ARMC12: variants seen among roughly 807,000 people sequenced by gnomAD.
ARMC12 encodes the protein armadillo repeat containing 12.
A neutral mutation model predicts 37.4 loss-of-function variants in ARMC12; 25 were observed. The ratio of observed to expected loss-of-function variants is 0.67; its 90% CI spans 0.49 to 0.93. The LOEUF is 0.93. Ranked by LOEUF, ARMC12 falls within the 40% of genes least tolerant of loss-of-function variation. ARMC12 has a pLI of 0.00. For synonymous variants in ARMC12, 167 were observed against 176.1 expected (o/e 0.95, Z 0.41); for missense variants, 384 against 426.6 (o/e 0.90, Z 0.88).
intron 5 of ARMC12, 102 bp downstream of exon 5, chr6:35,747,749 T>G (rs890633312): frequency 8.1e-7 from 1 of 1,240,842 alleles, no homozygotes; most frequent in Non-Finnish European, 1.2e-6. Context: ...ATGAATTGTT[T>G]TAGTATCTTC....
rs576135556 is a variant in ARMC12 at position 35,748,928 on chromosome 6, G to A, written c.*58G>A. The A allele has an allele frequency of 7.9e-5, 120 of 1,511,134 alleles. No individual in the cohort carries two copies. The highest frequency in any genetic ancestry group is 7.2e-4 in the African/African-American group (52 of 71,774). 93.6% of individuals were successfully genotyped at this position (1,511,134 alleles called of 1,614,324 possible). On this transcript the variant is annotated 3_prime_UTR_variant, in exon 6 of 6. Coordinates refer to ENST00000373866, the MANE Select transcript of ARMC12 (RefSeq NM_001286574.2). ...AGAAACTTGAAGTTTCTTGAAGCTC[G>A]AATGTCTGTTGGTGGCCTTCCAGGG... is the stretch of plus-strand genomic sequence containing the variant.
chr6:35,737,561 C>G lies in ARMC12; in HGVS notation c.163+290C>G, dbSNP rs183984777. Reference sequence around the variant, plus strand: ...ATTCCACTTCTTGGAAACTTGGTGTCGGCAGCTCCCCCCATCCCTTTTCTG... The same window carrying G: ...ATTCCACTTCTTGGAAACTTGGTGTGGGCAGCTCCCCCCATCCCTTTTCTG... On this transcript the variant is annotated intron_variant, in intron 1 of 5. Transcript: ENST00000373866. 1.2e-4 allele frequency among the ~76,000 whole-genome samples: 19 copies of G among 152,256 alleles called. No individual in the cohort carries two copies. The East Asian group carries it at 3.5e-3, about 28-fold the overall frequency.
Position 35,738,647 on chromosome 6 carries a change from G to C in ARMC12, c.444+129G>C, listed in dbSNP as rs1015522431. On this transcript the variant is annotated intron_variant, in intron 3 of 5. Coordinates refer to ENST00000373866, the MANE Select transcript of ARMC12 (RefSeq NM_001286574.2). ...TGAATTTGTAACCCAGAAATAAGTG[G>C]GAAAACGGTGGTCAGATTCCCAGCA... 1.4e-5 allele frequency: 18 copies of C among 1,287,892 alleles called. No individual in the cohort carries two copies. In the African/African-American group the frequency reaches 2.7e-4, roughly 19 times the overall value. 79.8% of individuals were successfully genotyped at this position (1,287,892 alleles called of 1,614,324 possible). A position where few individuals can be genotyped will look rare whatever the true frequency, so the allele number is the denominator to read the frequency against.
At chr6:35,740,897 G>GTTTTTT (rs11365534) in intron 3 of ARMC12, among the ~76,000 whole-genome samples, 1 of 116,396 alleles carries the variant, frequency 8.6e-6, no homozygotes. Flanking sequence ...CTTCCTTCTG[G>GTTTTTT]TTTTTTTTTT....
chr6:35,734,046 C>G (rs1254984814), upstream of ARMC12: 3 of 152,104 alleles, frequency 2.0e-5, no homozygotes, highest in Non-Finnish European at 4.4e-5. Flanking sequence ...GACAGAAAAA[C>G]AAAGCCAGAA....
chr6:35,742,944 C>A (rs971670527), intron 3 of ARMC12, among the ~76,000 whole-genome samples: 1 of 152,202 alleles, frequency 6.6e-6, no homozygotes, highest in Non-Finnish European at 1.5e-5. Context: ...CACCTCCTTG[C>A]CCTAACCCCA....
upstream of ARMC12, among the ~76,000 whole-genome samples, chr6:35,732,962 G>A (rs1766870062): frequency 6.6e-6 from 1 of 152,164 alleles, no homozygotes; most frequent in Non-Finnish European, 1.5e-5. Context: ...TCACCTGAGT[G>A]TAGGAGTTCG....
upstream of ARMC12, among the ~76,000 whole-genome samples, chr6:35,732,274 A>G (rs906622067): frequency 1.3e-5 from 2 of 152,080 alleles, no homozygotes; most frequent in African/African-American, 4.8e-5. Context: ...GATCCACGTT[A>G]AGGCAGGGGC....
intron 3 of ARMC12, among the ~76,000 whole-genome samples, chr6:35,740,724 T>G (rs910965576): frequency 3.3e-5 from 5 of 152,120 alleles, no homozygotes; most frequent in Non-Finnish European, 5.9e-5. Flanking sequence ...CATATATGTA[T>G]GTATCCTTGC....
upstream of ARMC12, chr6:35,736,751 G>A: frequency 7.0e-6 from 2 of 287,400 alleles, no homozygotes; most frequent in South Asian, 3.6e-5. Flanking sequence ...GGGATTACAT[G>A]TGTGCGCCAC....
At position 35,748,865 on chromosome 6, in the gene ARMC12, G is replaced by GAATAA. The variant is rs1561926700; in HGVS notation, c.1022_*3dup. 2 of 1,607,962 alleles carry GAATAA rather than the reference G, an allele frequency of 1.2e-6. No individual in the cohort carries two copies. Among genetic ancestry groups the GAATAA allele is most frequent in the South Asian group, 1.1e-5 (1 of 90,510 alleles). The stretch of plus-strand genomic sequence containing the variant: ...CAGTCGTTCCTACTTTAAAAACACG[G>GAATAA]AATAAAATTAAGGAGAGCCAATAAA... On this transcript the variant is annotated stop_gained and frameshift_variant, in exon 6 of 6. Coordinates refer to ENST00000373866, the MANE Select transcript of ARMC12 (RefSeq NM_001286574.2). LOFTEE classifies it high-confidence loss of function.
At chr6:35,731,533 T>A in the ARMC12 span, among the ~76,000 whole-genome samples, 1 of 151,662 alleles carries the variant, frequency 6.6e-6, no homozygotes, top group Non-Finnish European at 1.5e-5. Context: ...CCTCTCTCCA[T>A]CGTCTCCTGG....
chr6:35,743,767 G>A (rs1259269273), intron 3 of ARMC12, among the ~76,000 whole-genome samples: 1 of 151,708 alleles, frequency 6.6e-6, no homozygotes, highest in Non-Finnish European at 1.5e-5. Flanking sequence ...GGATAAAGGA[G>A]TCTGGGTGGG....
At chr6:35,738,283 C>CGGGGGGGGGGGGGG (rs201221548) in intron 2 of ARMC12, 101 bp from the exon 3 acceptor site, 16 of 576,654 alleles carry the variant, frequency 2.8e-5, no homozygotes, top group South Asian at 1.5e-4. Flanking sequence ...TGGCTGATAG[C>CGGGGGGGGGGGGGG]GGTGGGGGGG....
chr6:35,747,930 G>A (rs1767392185), intron 5 of ARMC12, among the ~76,000 whole-genome samples: 2 of 152,136 alleles, frequency 1.3e-5, no homozygotes, highest in African/African-American at 4.8e-5. Context: ...ATATTGGGGG[G>A]AAATTACTAT....
chr6:35,744,255 C>T (rs2151043986), intron 3 of ARMC12, among the ~76,000 whole-genome samples: 1 of 152,052 alleles, frequency 6.6e-6, no homozygotes, highest in South Asian at 2.1e-4. Flanking sequence ...GATTCTCCTG[C>T]CTCACCCTCC....
chr6:35,745,429 A>G (rs1767307887), intron 3 of ARMC12, among the ~76,000 whole-genome samples: 1 of 152,240 alleles, frequency 6.6e-6, no homozygotes, highest in South Asian at 2.1e-4. Context: ...AAAAGGTCAT[A>G]TATAGAGATG....
Position 35,748,546 on chromosome 6 carries a change from C to T in ARMC12, c.699C>T (p.Ser233=), listed in dbSNP as rs1208997934. ...CTCTATTCCCATCACAGGTTCACTC[C>T]AACTTCCTAAACCTGTTCCAGCCCA... ...LYDILNCQVH[S]NFLNLFQPTQ... is the part of the protein sequence containing the mutation. Residue 233 remains serine, a synonymous_variant, in exon 6 of 6, where the codon TCC becomes TCT. Transcript: ENST00000373866. 2.0e-6 allele frequency: 3 copies of T among 1,492,492 alleles called. No individual in the cohort carries two copies. The highest frequency in any genetic ancestry group is 2.7e-6 in the Non-Finnish European group (3 of 1,119,702). 92.5% of individuals were successfully genotyped at this position (1,492,492 alleles called of 1,614,324 possible).
chr6:35,742,981 C>T (rs1767219540), intron 3 of ARMC12, among the ~76,000 whole-genome samples: 1 of 152,192 alleles, frequency 6.6e-6, no homozygotes, highest in Admixed American at 6.5e-5. Flanking sequence ...GCTTTATGCT[C>T]TCACATGCCC....
Sources: gnomAD v4.1 joint callset for allele counts (sites outside exome capture counted in the v4.1 genomes callset) on GRCh38, gnomAD v4.1.1 for gene constraint, MANE v1.5 for transcripts, NCBI Gene and HGNC (gene_info 2026-07-23, HGNC 2026-07-21) for gene names.